The following IFT80 variants were observed in gnomAD, a reference collection of about 807,000 sequenced individuals.
IFT80 encodes intraflagellar transport 80.
IFT80 carries 79 observed loss-of-function variants against 107.9 expected under a neutral mutation model. The ratio of observed to expected loss-of-function variants is 0.73; its 90% CI spans 0.61 to 0.88. IFT80 has a LOEUF of 0.88. Ranked by LOEUF, IFT80 falls within the 40% of genes least tolerant of loss-of-function variation. IFT80 has a pLI of 0.00. For missense variants in IFT80, 797 were observed against 914.2 expected (o/e 0.87, Z 1.65); for synonymous variants, 299 against 300.9 (o/e 0.99, Z 0.07).
chr3:160,382,361 C>A (rs1712589439), intron 2 of IFT80, among the ~76,000 whole-genome samples: 1 of 151,990 alleles, frequency 6.6e-6, no homozygotes, highest in Non-Finnish European at 1.5e-5. Flanking sequence ...ATTGACAATA[C>A]CAAACTTTCC....
intron 12 of IFT80, among the ~76,000 whole-genome samples, chr3:160,295,981 C>G (rs115225512): frequency 1.1e-3 from 170 of 152,138 alleles, no homozygotes; most frequent in African/African-American, 4.0e-3. Flanking sequence ...GATCCAGTTG[C>G]CAGAGGCAGC....
rs183062291 is a variant in IFT80, at chr3:160,382,533, C to T, written c.38-809G>A. Reference sequence around the variant, plus strand: ...ATGTAAGCTGAGATGCTCAAGTAGCCCTCACTTCCTCCATCAGGACAGGGT... The same window carrying T: ...ATGTAAGCTGAGATGCTCAAGTAGCTCTCACTTCCTCCATCAGGACAGGGT... On this transcript the variant is annotated intron_variant, in intron 2 of 19. Coordinates refer to ENST00000326448, the MANE Select transcript of IFT80 (RefSeq NM_020800.3). Among the ~76,000 whole-genome samples, 35 of 152,036 alleles carry T rather than the reference C, an allele frequency of 2.3e-4. No individual in the cohort carries two copies. The East Asian group carries it at 6.8e-3, about 29-fold the overall frequency.
At chr3:160,398,242 GGGGGGT>G (rs1437638652) in intron 1 of IFT80, among the ~76,000 whole-genome samples, 1 of 152,152 alleles carries the variant, frequency 6.6e-6, no homozygotes, top group Non-Finnish European at 1.5e-5. Flanking sequence ...TTGGTTGGGA[GGGGGGT>G]GGCTCTCCAC....
intron 1 of IFT80, among the ~76,000 whole-genome samples, chr3:160,387,787 T>C (rs1713054769): frequency 6.6e-6 from 1 of 152,150 alleles, no homozygotes; most frequent in African/African-American, 2.4e-5. Flanking sequence ...AAAAAGATCA[T>C]ATTCAAAGCC....
intron 18 of IFT80, among the ~76,000 whole-genome samples, chr3:160,273,225 C>G (rs1383780113): frequency 3.3e-5 from 5 of 152,174 alleles, no homozygotes; most frequent in Non-Finnish European, 7.3e-5. Flanking sequence ...TATTTGCAGT[C>G]CTTTCTTATC....
rs577680745 is a variant in IFT80, at chr3:160,352,571, TA to T, written c.777+3441del. On this transcript the variant is annotated intron_variant, in intron 8 of 19. Coordinates refer to ENST00000326448, the MANE Select transcript of IFT80 (RefSeq NM_020800.3). ...GCATAAAGACAACTAGGAAACTTCC[TA>T]AAAATACCACTTCACAGAGCCTCAT... 1.2e-4 allele frequency among the ~76,000 whole-genome samples: 18 copies of T among 152,224 alleles called. No homozygotes were observed. The South Asian group carries it at 3.7e-3, about 32-fold the overall frequency.
chr3:160,375,646 T>A (rs1711956602), intron 5 of IFT80, among the ~76,000 whole-genome samples, 166 bp downstream of exon 5: 1 of 152,080 alleles, frequency 6.6e-6, no homozygotes, highest in Admixed American at 6.6e-5. Context: ...GTACATCAGG[T>A]ACCAAGCAAA....
chr3:160,307,425 A>G (rs1716906628), intron 10 of IFT80, among the ~76,000 whole-genome samples: 1 of 152,208 alleles, frequency 6.6e-6, no homozygotes, highest in South Asian at 2.1e-4. Context: ...CTGGGGTTAC[A>G]AGCATGAGCC....
intron 8 of IFT80, among the ~76,000 whole-genome samples, chr3:160,338,022 G>A (rs1297337205): frequency 6.6e-6 from 1 of 152,076 alleles, no homozygotes; most frequent in African/African-American, 2.4e-5. Flanking sequence ...GATCTTCTCT[G>A]CCTAAATTCT....
chr3:160,351,903 T>C (rs1016596828), intron 8 of IFT80, among the ~76,000 whole-genome samples: 3 of 152,070 alleles, frequency 2.0e-5, no homozygotes, highest in African/African-American at 7.2e-5. Context: ...TATTTACAAC[T>C]AGCTATTCTG....
At chr3:160,396,288 CTAATT>C (rs1484946861) in intron 1 of IFT80, among the ~76,000 whole-genome samples, 3 of 152,028 alleles carry the variant, frequency 2.0e-5, no homozygotes, top group African/African-American at 4.8e-5. Context: ...GTGTCTATAT[CTAATT>C]TATTAATCTT....
chr3:160,343,452 T>C (rs1720065420), intron 8 of IFT80, among the ~76,000 whole-genome samples: 1 of 152,160 alleles, frequency 6.6e-6, no homozygotes, highest in South Asian at 2.1e-4. Flanking sequence ...TATAGTATAA[T>C]TCATTAATAT....
intron 8 of IFT80, among the ~76,000 whole-genome samples, chr3:160,335,148 T>C (rs901800284): frequency 1.4e-5 from 2 of 138,012 alleles, no homozygotes; most frequent in East Asian, 4.0e-4. Context: ...AAAAATCCTC[T>C]TTTTTTTTTT....
At chr3:160,360,752 C>G (rs1050513659) in intron 6 of IFT80, among the ~76,000 whole-genome samples, 3 of 152,068 alleles carry the variant, frequency 2.0e-5, no homozygotes, top group Admixed American at 1.3e-4. Flanking sequence ...CATATCTGAC[C>G]AAACTAAGCT....
Position 160,268,488 on chromosome 3 carries a change from A to G in IFT80, c.2148T>C (p.Leu716=). The change falls in exon 19 of 20, where the codon CTT becomes CTC. Residue 716 remains leucine (L), a synonymous_variant. Transcript: ENST00000326448. ...TCTCCAAAAACTTTTGACGGTAAGC[A>G]AGAACTGTATCAACATGTGTTTTGT... ...VKYKTHVDTV[L]AYRQKFLETF... 6.2e-7 allele frequency: 1 copy of G among 1,613,416 alleles called. No homozygotes were observed. Among genetic ancestry groups the G allele is most frequent in the Middle Eastern group, 1.7e-4 (1 of 6,042 alleles).
intron 11 of IFT80, among the ~76,000 whole-genome samples, chr3:160,301,564 A>C (rs993283996): frequency 1.3e-5 from 2 of 151,998 alleles, no homozygotes; most frequent in South Asian, 4.1e-4. Context: ...TTATTAAAAT[A>C]AGGCAGTTGT....
chr3:160,279,309 T>C lies in IFT80; in HGVS notation c.1720A>G (p.Arg574Gly). Reference sequence around the variant, plus strand: ...TGAACCAGGGAGCCATCAGCTCTTCTAATAGTTACTTGATTTCCAACAAAA... The same window carrying C: ...TGAACCAGGGAGCCATCAGCTCTTCCAATAGTTACTTGATTTCCAACAAAA... Reference protein sequence around the residue: ...VSFVGNQVTIRRADGSLVHIS... With the variant: ...VSFVGNQVTIGRADGSLVHIS... The change falls in exon 16 of 20, where the codon AGA becomes GGA. Residue 574 changes from arginine to glycine, a missense_variant. Transcript: ENST00000326448. 6.2e-7 allele frequency: 1 copy of C among 1,613,260 alleles called. No homozygotes were observed. The highest frequency in any genetic ancestry group is 8.5e-7 in the Non-Finnish European group (1 of 1,179,282).
chr3:160,357,689 G>T, intron 6 of IFT80, 111 bp from the exon 7 acceptor site: 1 of 668,562 alleles, frequency 1.5e-6, no homozygotes, highest in South Asian at 1.8e-5. Flanking sequence ...ATCTTCTCAG[G>T]GATTCCTATC....
intron 8 of IFT80, among the ~76,000 whole-genome samples, chr3:160,323,289 A>G (rs1296573810): frequency 1.3e-5 from 2 of 149,662 alleles, no homozygotes; most frequent in East Asian, 2.0e-4. Context: ...TTTATTAAAT[A>G]GGGAATCCTT....
Sources: gnomAD v4.1 joint callset for allele counts (sites outside exome capture counted in the v4.1 genomes callset) on GRCh38, gnomAD v4.1.1 for gene constraint, MANE v1.5 for transcripts, NCBI Gene and HGNC (gene_info 2026-07-23, HGNC 2026-07-21) for gene names.